The following AATF variants were observed in gnomAD, a reference collection of about 807,000 sequenced individuals.
AATF encodes apoptosis antagonizing transcription factor.
Under a neutral mutation model 63.7 loss-of-function variants are expected in AATF, and 48 were observed. The observed-to-expected ratio is 0.75, with a 90% confidence interval of 0.60 to 0.96. The LOEUF is 0.96. Among genes scored for constraint, AATF ranks in the 40% least tolerant of loss-of-function variants. The pLI, the probability that AATF is intolerant of heterozygous loss-of-function variation, is 0.00. For missense variants in AATF, 639 were observed against 685.7 expected (o/e 0.93, Z 0.76); for synonymous variants, 258 against 247.7 (o/e 1.04, Z -0.39).
intron 8 of AATF, among the ~76,000 whole-genome samples, chr17:37,009,817 C>G (rs1156526150): frequency 9.9e-6 from 1 of 100,696 alleles, no homozygotes; most frequent in Non-Finnish European, 1.9e-5. Context: ...GAGCGAGACT[C>G]CGTCTCAAAA....
chr17:36,975,908 A>T (rs7212216), intron 4 of AATF, among the ~76,000 whole-genome samples: 1 of 151,894 alleles, frequency 6.6e-6, no homozygotes, highest in African/African-American at 2.4e-5. Context: ...TCTGATGTAC[A>T]TGGGCTTTTG....
chr17:37,033,382 G>T (rs770803160), intron 11 of AATF, among the ~76,000 whole-genome samples: 2 of 152,128 alleles, frequency 1.3e-5, no homozygotes, highest in Non-Finnish European at 2.9e-5. Flanking sequence ...TTAAGGTTAC[G>T]TTATTATCCC....
chr17:37,049,287 C>G (rs1313599165), intron 11 of AATF, among the ~76,000 whole-genome samples: 1 of 152,174 alleles, frequency 6.6e-6, no homozygotes, highest in Non-Finnish European at 1.5e-5. Context: ...AAGCTGGTTT[C>G]TCTAAGTATA....
At chr17:37,006,227 T>C (rs578013161) in intron 8 of AATF, among the ~76,000 whole-genome samples, 101 of 152,272 alleles carry the variant, frequency 6.6e-4, no homozygotes, top group Non-Finnish European at 1.2e-3. Context: ...CCCAGCACTT[T>C]GGGAGGCCAA....
At chr17:37,037,175 C>T (rs370322483) in intron 11 of AATF, among the ~76,000 whole-genome samples, 1 of 151,954 alleles carries the variant, frequency 6.6e-6, no homozygotes, top group East Asian at 1.9e-4. Context: ...CTCCCCACCC[C>T]CTGGCTAATT....
At chr17:37,025,226 T>C (rs2071502154) in intron 10 of AATF, among the ~76,000 whole-genome samples, 1 of 152,114 alleles carries the variant, frequency 6.6e-6, no homozygotes, top group South Asian at 2.1e-4. Context: ...TTGTTGTTGT[T>C]TTTTGAGGGA....
intron 4 of AATF, among the ~76,000 whole-genome samples, chr17:36,974,260 G>T (rs1169895310): frequency 6.6e-6 from 1 of 152,042 alleles, no homozygotes; most frequent in Admixed American, 6.5e-5. Flanking sequence ...TTGTTTTGCA[G>T]TCCATTTCTT....
chr17:36,985,933 C>T (rs1297345623), intron 4 of AATF, among the ~76,000 whole-genome samples: 1 of 152,132 alleles, frequency 6.6e-6, no homozygotes, highest in African/African-American at 2.4e-5. Flanking sequence ...CTTATTGGCT[C>T]CAAGGAGAAC....
intron 8 of AATF, among the ~76,000 whole-genome samples, chr17:37,005,477 A>G (rs2071334830): frequency 6.6e-6 from 1 of 152,124 alleles, no homozygotes; most frequent in African/African-American, 2.4e-5. Context: ...ATATAGGGAG[A>G]GATTTATTTC....
chr17:36,982,604 A>C (rs2071135729), intron 4 of AATF, among the ~76,000 whole-genome samples: 1 of 152,154 alleles, frequency 6.6e-6, no homozygotes, highest in African/African-American at 2.4e-5. Context: ...CACCCGTCTC[A>C]GCCTCCCAAA....
chr17:37,004,192 G>A (rs1010411118), intron 8 of AATF, among the ~76,000 whole-genome samples: 20 of 151,938 alleles, frequency 1.3e-4, no homozygotes, highest in African/African-American at 2.9e-4. Context: ...TTAGCCAGGC[G>A]TGGTGGCGGA....
chr17:37,036,398 G>GGA (rs1375867821), intron 11 of AATF, among the ~76,000 whole-genome samples: 1 of 151,964 alleles, frequency 6.6e-6, no homozygotes, highest in Non-Finnish European at 1.5e-5. Flanking sequence ...GCTCATTAAG[G>GGA]GAGAGAGAGA....
chr17:36,984,366 C>A (rs561670534), intron 4 of AATF, among the ~76,000 whole-genome samples: 2 of 152,302 alleles, frequency 1.3e-5, no homozygotes, highest in East Asian at 1.9e-4. Context: ...TATGAAAACA[C>A]ATTGAACAAT....
chr17:37,003,615 C>T (rs1019530605), intron 8 of AATF, among the ~76,000 whole-genome samples: 3 of 151,234 alleles, frequency 2.0e-5, no homozygotes, highest in Admixed American at 2.0e-4. Context: ...TAAAGGCGTG[C>T]ACCACCACAC....
At chr17:37,025,497 G>C (rs936880733) in intron 10 of AATF, among the ~76,000 whole-genome samples, 1 of 152,130 alleles carries the variant, frequency 6.6e-6, no homozygotes, top group Non-Finnish European at 1.5e-5. Context: ...GCCATTGACG[G>C]GGGAGGGCAG....
intron 4 of AATF, among the ~76,000 whole-genome samples, chr17:36,982,028 T>C (rs958459471): frequency 2.0e-5 from 3 of 152,124 alleles, no homozygotes; most frequent in African/African-American, 7.2e-5. Flanking sequence ...CAACCCCTGG[T>C]AGCCACCATT....
intron 4 of AATF, among the ~76,000 whole-genome samples, chr17:36,968,853 C>T (rs953448057): frequency 3.9e-5 from 6 of 152,214 alleles, no homozygotes; most frequent in South Asian, 2.1e-4. Flanking sequence ...CTCCTGGCTT[C>T]GAGTGATCAA....
At position 36,990,784 on chromosome 17, in the gene AATF, C is replaced by T. The variant is rs1405570221; in HGVS notation, c.1325C>T (p.Pro442Leu). Residue 442 changes from proline to leucine, a missense_variant, in exon 8 of 12, where the codon CCT (proline) becomes CTT (leucine). By Grantham distance (98) the Pro-to-Leu change is moderately conservative (BLOSUM62 -3). Transcript: ENST00000619387. ...TCATTGTTAACATAGGAGATCCTTC[C>T]TCAAGCCCCTGCTAATGCTCATCTG... ...ESLPGEPEIL[P>L]QAPANAHLKD... The T allele has an allele frequency of 1.3e-6, 2 of 1,591,464 alleles. No individual in the cohort carries two copies. The highest frequency in any genetic ancestry group is 4.6e-5 in the East Asian group (2 of 43,370).
chr17:36,954,428 T>A (rs574053139), intron 4 of AATF, among the ~76,000 whole-genome samples: 1 of 152,308 alleles, frequency 6.6e-6, no homozygotes, highest in African/African-American at 2.4e-5. Flanking sequence ...GAAAACCCAC[T>A]GATGTAGAAA....
Sources: allele counts gnomAD v4.1 joint callset (sites outside exome capture counted in the v4.1 genomes callset), GRCh38; gene constraint gnomAD v4.1.1; transcripts MANE v1.5; gene names NCBI Gene and HGNC (gene_info 2026-07-23, HGNC 2026-07-21).